The following CTNNA3 variants were observed in gnomAD, a reference collection of about 807,000 sequenced individuals.
CTNNA3 encodes the protein catenin alpha 3.
A neutral mutation model predicts 95.7 loss-of-function variants in CTNNA3; 76 were observed. The ratio of observed to expected loss-of-function variants is 0.79; its 90% CI spans 0.66 to 0.96. The LOEUF is 0.96. Among genes scored for constraint, CTNNA3 ranks in the 40% least tolerant of loss-of-function variants. CTNNA3 has a pLI of 0.00. For missense variants in CTNNA3, 1,191 were observed against 1,089.8 expected (o/e 1.09, Z -1.31); for synonymous variants, 431 against 374.4 (o/e 1.15, Z -1.74).
At chr10:66,105,157 T>A (rs1235087170) in intron 13 of CTNNA3, among the ~76,000 whole-genome samples, 1 of 152,218 alleles carries the variant, frequency 6.6e-6, no homozygotes, top group African/African-American at 2.4e-5. Context: ...CGTGTTGATC[T>A]CTTTGCAATC....
At chr10:67,637,527 T>C (rs1420062373) in intron 2 of CTNNA3, among the ~76,000 whole-genome samples, 1 of 152,042 alleles carries the variant, frequency 6.6e-6, no homozygotes, top group African/African-American at 2.4e-5. Context: ...CACAAAGATA[T>C]TCCTCAGGAA....
chr10:67,221,934 T>G (rs1864681099), intron 5 of CTNNA3, among the ~76,000 whole-genome samples: 1 of 152,200 alleles, frequency 6.6e-6, no homozygotes, highest in Admixed American at 6.5e-5. Flanking sequence ...TTACTGATCA[T>G]GACAATAGTC....
intron 12 of CTNNA3, among the ~76,000 whole-genome samples, chr10:66,305,271 T>G (rs2091916355): frequency 1.3e-5 from 2 of 152,240 alleles, no homozygotes; most frequent in Non-Finnish European, 2.9e-5. Flanking sequence ...TTATTGATTT[T>G]AGATCATATG....
intron 7 of CTNNA3, among the ~76,000 whole-genome samples, chr10:67,057,091 TAGCTGATCTA>T (rs1297653520): frequency 6.6e-6 from 1 of 152,218 alleles, no homozygotes; most frequent in Non-Finnish European, 1.5e-5. Context: ...TTAGAAAAGT[TAGCTGATCTA>T]AAACATTGTC....
chr10:66,951,115 ACACT>A (rs71006104), intron 7 of CTNNA3, among the ~76,000 whole-genome samples: 6,572 of 136,060 alleles, frequency 0.048, 177 homozygotes, highest in Middle Eastern at 0.1. Flanking sequence ...ACACACACAC[ACACT>A]GTCTTTTTTT....
chr10:67,242,262 TAA>T (rs1865743482), intron 5 of CTNNA3, among the ~76,000 whole-genome samples: 1 of 152,202 alleles, frequency 6.6e-6, no homozygotes, highest in Non-Finnish European at 1.5e-5. Flanking sequence ...CTCAAAAATA[TAA>T]GTCAGATATG....
At chr10:66,034,494 A>G (rs780951087) in intron 15 of CTNNA3, among the ~76,000 whole-genome samples, 6 of 152,052 alleles carry the variant, frequency 3.9e-5, no homozygotes, top group Non-Finnish European at 8.8e-5. Flanking sequence ...TAACTTCAAC[A>G]GCAGCAGCAG....
chr10:66,725,223 T>C (rs1848743803), intron 9 of CTNNA3, among the ~76,000 whole-genome samples: 1 of 152,128 alleles, frequency 6.6e-6, no homozygotes, highest in Admixed American at 6.6e-5. Context: ...GTTAAATACA[T>C]GGATATGGAA....
At chr10:67,193,300 T>A (rs556575470) in intron 6 of CTNNA3, among the ~76,000 whole-genome samples, 1 of 152,028 alleles carries the variant, frequency 6.6e-6, no homozygotes, top group South Asian at 2.1e-4. Context: ...ACCTTCTTTG[T>A]CAATTGAATA....
At chr10:66,152,845 C>A (rs1408235402) in intron 13 of CTNNA3, among the ~76,000 whole-genome samples, 5 of 151,942 alleles carry the variant, frequency 3.3e-5, no homozygotes, top group Admixed American at 6.6e-5. Context: ...ATTCACTGAG[C>A]TCCAGGAATG....
At chr10:66,325,903 T>C (rs2092247981) in intron 12 of CTNNA3, among the ~76,000 whole-genome samples, 1 of 152,174 alleles carries the variant, frequency 6.6e-6, no homozygotes, top group Admixed American at 6.5e-5. Context: ...AAATGCTTAT[T>C]TCATTCGAGA....
chr10:66,149,113 A>G (rs2084050254), intron 13 of CTNNA3, among the ~76,000 whole-genome samples: 1 of 149,928 alleles, frequency 6.7e-6, no homozygotes, highest in Non-Finnish European at 1.5e-5. Context: ...GTGCACATAT[A>G]TCTAAATATG....
chr10:66,220,875 G>A (rs1331791667), intron 13 of CTNNA3, among the ~76,000 whole-genome samples: 1 of 152,112 alleles, frequency 6.6e-6, no homozygotes, highest in African/African-American at 2.4e-5. Context: ...ATTTTTATAG[G>A]TACAGGATGG....
At chr10:66,572,844 TA>T (rs1454212748) in intron 10 of CTNNA3, among the ~76,000 whole-genome samples, 1 of 152,170 alleles carries the variant, frequency 6.6e-6, no homozygotes, top group Non-Finnish European at 1.5e-5. Context: ...TGCAATGCTT[TA>T]CCATCATCTG....
At chr10:67,239,924 A>G (rs1865653755) in intron 5 of CTNNA3, among the ~76,000 whole-genome samples, 1 of 152,202 alleles carries the variant, frequency 6.6e-6, no homozygotes, top group African/African-American at 2.4e-5. Flanking sequence ...TAGCCTGACC[A>G]TCAGAAAAAG....
Position 67,205,547 on chromosome 10 carries a change from T to C in CTNNA3, c.843+14060A>G, listed in dbSNP as rs1863858287. Among the ~76,000 whole-genome samples, 4 of 152,170 alleles carry C rather than the reference T, an allele frequency of 2.6e-5. No individual in the cohort carries two copies. The South Asian group carries it at 8.3e-4, about 31-fold the overall frequency. On this transcript the variant is annotated intron_variant, in intron 6 of 17. Coordinates refer to ENST00000433211, the MANE Select transcript of CTNNA3 (RefSeq NM_013266.4). ...CCATCCTTCAAGGCCTAGCTCAATT[T>C]CCTTTCCATAAAGACTTCCCTGTTT...
intron 10 of CTNNA3, among the ~76,000 whole-genome samples, chr10:66,597,545 TA>T (rs1564558018): frequency 3.2e-4 from 42 of 130,420 alleles, no homozygotes; most frequent in East Asian, 1.8e-3. Context: ...TATATATATA[TA>T]TATATATATT....
intron 12 of CTNNA3, among the ~76,000 whole-genome samples, chr10:66,309,985 G>A (rs569675654): frequency 5.3e-5 from 8 of 150,908 alleles, no homozygotes; most frequent in Non-Finnish European, 8.9e-5. Context: ...TTAGCTAGGC[G>A]TGGTGGTGAG....
intron 7 of CTNNA3, among the ~76,000 whole-genome samples, chr10:66,806,119 T>C (rs1433068898): frequency 1.3e-5 from 2 of 151,974 alleles, no homozygotes; most frequent in East Asian, 1.9e-4. Context: ...TAAATAGCTA[T>C]TTGATTATAA....
Sources: gnomAD v4.1 joint callset for allele counts (sites outside exome capture counted in the v4.1 genomes callset) on GRCh38, gnomAD v4.1.1 for gene constraint, MANE v1.5 for transcripts, NCBI Gene and HGNC (gene_info 2026-07-23, HGNC 2026-07-21) for gene names.